The following UBAP2 variants were observed in gnomAD, a reference collection of about 807,000 sequenced individuals.
UBAP2 encodes ubiquitin associated protein 2, also known as ubiquitin-associated protein 2.
UBAP2 carries 75 observed loss-of-function variants against 139.6 expected under a neutral mutation model. That is an observed-to-expected ratio of 0.54 (90% CI 0.45 to 0.65). The LOEUF is 0.65. Among genes scored for constraint, UBAP2 ranks in the 30% least tolerant of loss-of-function variants. The pLI is 0.00. For synonymous variants in UBAP2, 526 were observed against 526.2 expected, an observed-to-expected ratio of 1.00 and a Z score of 0.01; for missense variants, 1,368 against 1,369.6, an observed-to-expected ratio of 1.00 and a Z score of 0.02.
In UBAP2 at chr9:34,013,504, ACT is replaced by A. The variant is rs531792812; in HGVS notation, c.99+3544_99+3545del. On this transcript the variant is annotated intron_variant, in intron 2 of 28. Transcript: ENST00000379238. ...AAAACTCCGTCTCAAAAAATAAAAAACTCTCTTTCATCATGCAACCTGAATAG... is the reference window on the plus strand; with the variant it reads ...AAAACTCCGTCTCAAAAAATAAAAAACTCTTTCATCATGCAACCTGAATAG... 7.9e-5 allele frequency among the ~76,000 whole-genome samples: 12 copies of A among 151,792 alleles called. No homozygotes were observed. In the East Asian group the frequency reaches 2.3e-3, roughly 30 times the overall value.
chr9:34,033,971 G>T lies in UBAP2; in HGVS notation c.-42+14854C>A, dbSNP rs537960468. Reference sequence around the variant, plus strand: ...AGCTGTTCTTGAACTCCTGACCTCAGGTGATCCACCTGCCTCAGCCTCCCA... The same window carrying T: ...AGCTGTTCTTGAACTCCTGACCTCATGTGATCCACCTGCCTCAGCCTCCCA... On this transcript the variant is annotated intron_variant, in intron 1 of 28. Coordinates refer to ENST00000379238, the MANE Select transcript of UBAP2 (RefSeq NM_001370062.2). 1.1e-3 allele frequency among the ~76,000 whole-genome samples: 169 copies of T among 152,064 alleles called. 5 individuals carry two copies. The South Asian group carries it at 0.035, about 31-fold the overall frequency.
At chr9:33,948,750 G>T in intron 12 of UBAP2, 163 bp from the exon 13 acceptor site, 1 of 568,900 alleles carries the variant, frequency 1.8e-6, no homozygotes, top group Non-Finnish European at 3.0e-6. Flanking sequence ...ATATTACTAT[G>T]CAATGAAAAC....
At chr9:33,957,863 A>ATT (rs1261761179) in intron 10 of UBAP2, among the ~76,000 whole-genome samples, 2 of 152,076 alleles carry the variant, frequency 1.3e-5, no homozygotes, top group Non-Finnish European at 2.9e-5. Context: ...TTCTTCAACA[A>ATT]TATAAAAGTG....
chr9:33,962,940 T>C (rs1034742513), intron 9 of UBAP2, among the ~76,000 whole-genome samples: 27 of 149,770 alleles, frequency 1.8e-4, no homozygotes, highest in African/African-American at 6.1e-4. Context: ...GATCGCACCA[T>C]TGCACTCCAG....
intron 6 of UBAP2, among the ~76,000 whole-genome samples, chr9:33,981,226 GATATATATATATATTCTGGAT>G (rs1564044606): frequency 4.6e-5 from 1 of 21,796 alleles, no homozygotes. Context: ...ATATATTCTG[GATATATATATATATTCTGGAT>G]ATATATATAT....
intron 2 of UBAP2, among the ~76,000 whole-genome samples, chr9:33,999,850 C>CTACG (rs769557491): frequency 6.9e-6 from 1 of 144,088 alleles, no homozygotes; most frequent in Non-Finnish European, 1.5e-5. Flanking sequence ...GCTGGGATTA[C>CTACG]TACGTATGTA....
At chr9:34,016,518 C>T (rs3016756) in intron 2 of UBAP2, among the ~76,000 whole-genome samples, 37,811 of 151,468 alleles carry the variant, frequency 0.25, 5,568 homozygotes, top group East Asian at 0.59. Context: ...ATACCTCTTT[C>T]CTTACTATTC....
intron 10 of UBAP2, among the ~76,000 whole-genome samples, chr9:33,957,268 C>T (rs1231445142): frequency 6.6e-6 from 1 of 152,048 alleles, no homozygotes; most frequent in African/African-American, 2.4e-5. Context: ...CTAACACATC[C>T]AATAAACCGC....
rs766940686 is a variant in UBAP2 at position 33,923,191 on chromosome 9, C to G, written c.2999G>C (p.Gly1000Ala). 6 of 1,614,206 alleles carry G rather than the reference C, an allele frequency of 3.7e-6. No individual in the cohort carries two copies. The Admixed American group carries it at 1.0e-4, about 27-fold the overall frequency. Residue 1000 changes from glycine (G) to alanine (A), a missense_variant, in exon 26 of 29, where the codon GGC (glycine) becomes GCC (alanine). Physicochemically the swap from Gly to Ala is moderately conservative, Grantham distance 60. Coordinates refer to ENST00000379238, the MANE Select transcript of UBAP2 (RefSeq NM_001370062.2). Reference sequence around the variant, plus strand: ...AAAGGAGAGGTAAACACTACCTTTGCCAGGCCCAGAACCTGCAGACTTGTT... The same window carrying G: ...AAAGGAGAGGTAAACACTACCTTTGGCAGGCCCAGAACCTGCAGACTTGTT... ...APNKSAGSGP[G>A]KGVSVSSSTT...
intron 2 of UBAP2, among the ~76,000 whole-genome samples, 172 bp downstream of exon 2, chr9:34,016,878 A>G (rs181602542): frequency 9.2e-5 from 14 of 152,230 alleles, no homozygotes; most frequent in Admixed American, 9.2e-4. Context: ...GTTTAAACAA[A>G]GGGTCCAAAA....
Position 33,932,622 on chromosome 9 carries a change from G to C in UBAP2, c.2115C>G (p.Leu705=). 1 of 1,614,018 alleles carries C rather than the reference G, an allele frequency of 6.2e-7. No homozygotes were observed. Among genetic ancestry groups the C allele is most frequent in the South Asian group, 1.1e-5 (1 of 91,050 alleles). ...SSPLSQLSSS[L]SSHQSSLSAH... is the part of the protein sequence containing the mutation. ...CAGAGAGGCTGCTCTGGTGGCTGGA[G>C]AGCGAACTAGAAGACAAAACAGAGC... The change falls in exon 19 of 29, where the codon CTC becomes CTG. Residue 705 remains leucine, a synonymous_variant. Transcript: ENST00000379238.
In UBAP2 at chr9:33,933,568, G is replaced by C. The variant is rs569543050; in HGVS notation, c.2030C>G (p.Thr677Ser). 1.3e-4 allele frequency: 213 copies of C among 1,614,072 alleles called. No individual in the cohort carries two copies. Among genetic ancestry groups the C allele is most frequent in the South Asian group, 5.2e-4 (47 of 91,084 alleles). The change falls in exon 18 of 29, where the codon ACC becomes AGC. Residue 677 changes from threonine to serine, a missense_variant. Transcript: ENST00000379238. ...LPSVSSLPSTTSCTALLPSTS... is the reference protein window; with the variant it reads ...LPSVSSLPSTSSCTALLPSTS... ...GGACGGCAGAAGTGCAGTGCAGGAG[G>C]TGGTGCTGGGCAGGGAGCTCACAGA... is the stretch of plus-strand genomic sequence containing the variant.
chr9:33,941,831 T>A lies in UBAP2; in HGVS notation c.1747A>T (p.Ser583Cys), dbSNP rs765658855. The A allele has an allele frequency of 1.9e-6, 3 of 1,613,556 alleles. No homozygotes were observed. Among genetic ancestry groups the A allele is most frequent in the Non-Finnish European group, 2.5e-6 (3 of 1,179,764 alleles). ...EPLNTSLSMTSAVQNSTYTTS... is the reference protein window; with the variant it reads ...EPLNTSLSMTCAVQNSTYTTS... ...GTATATGTGGAGTTCTGTACTGCAC[T>A]GGTCATTGATAAAGATGTATTCAAA... Residue 583 changes from serine to cysteine, a missense_variant, in exon 16 of 29, where the codon AGT (serine) becomes TGT (cysteine). Physicochemically the swap from Ser to Cys is moderately radical, Grantham distance 112. Coordinates refer to ENST00000379238, the MANE Select transcript of UBAP2 (RefSeq NM_001370062.2).
chr9:34,024,856 A>G (rs1228133146), intron 1 of UBAP2, among the ~76,000 whole-genome samples: 1 of 151,786 alleles, frequency 6.6e-6, no homozygotes, highest in Non-Finnish European at 1.5e-5. Flanking sequence ...TGGTGGCGTG[A>G]GCCTGTAATC....
chr9:33,966,352 G>A (rs1162580112), intron 8 of UBAP2, among the ~76,000 whole-genome samples: 1 of 151,746 alleles, frequency 6.6e-6, no homozygotes, highest in East Asian at 1.9e-4. Flanking sequence ...CTAGCTACTC[G>A]GGAGGCTGAG....
intron 1 of UBAP2, among the ~76,000 whole-genome samples, chr9:34,034,476 C>T (rs1234343059): frequency 6.6e-6 from 1 of 152,144 alleles, no homozygotes; most frequent in Non-Finnish European, 1.5e-5. Context: ...CATTAACACA[C>T]CTGCCACATA....
At chr9:33,970,495 T>G (rs1827835764) in intron 8 of UBAP2, among the ~76,000 whole-genome samples, 2 of 151,676 alleles carry the variant, frequency 1.3e-5, no homozygotes, top group Admixed American at 1.3e-4. Context: ...AGTGGCAAAA[T>G]CATAGCTCAC....
intron 1 of UBAP2, among the ~76,000 whole-genome samples, chr9:34,025,137 C>A (rs1285868327): frequency 6.6e-6 from 1 of 152,178 alleles, no homozygotes; most frequent in African/African-American, 2.4e-5. Context: ...AAAATCAACA[C>A]CTTCAACTAA....
chr9:33,970,345 G>A (rs578239987), intron 8 of UBAP2, among the ~76,000 whole-genome samples: 12 of 151,742 alleles, frequency 7.9e-5, no homozygotes, highest in East Asian at 7.7e-4. Flanking sequence ...CCTCTTTACA[G>A]TTTCTCTATT....
Sources: gnomAD v4.1 joint callset for allele counts (sites outside exome capture counted in the v4.1 genomes callset) on GRCh38, gnomAD v4.1.1 for gene constraint, MANE v1.5 for transcripts, NCBI Gene and HGNC (gene_info 2026-07-23, HGNC 2026-07-21) for gene names.